Variants in ARHGAP26 observed in about 807,000 individuals in gnomAD.
The protein encoded by ARHGAP26 is Rho GTPase activating protein 26, also known as rho GTPase-activating protein 26.
In ARHGAP26, 38 loss-of-function variants were observed where a neutral mutation model predicts 104.8. The observed-to-expected ratio is 0.36, with a 90% CI of 0.28 to 0.48. ARHGAP26 has a LOEUF of 0.48. ARHGAP26 is among the 20% of genes least tolerant of loss of function. The pLI, the probability that ARHGAP26 is intolerant of heterozygous loss-of-function variation, is 0.99. For missense variants in ARHGAP26, 704 were observed against 947.9 expected, an observed-to-expected ratio of 0.74 and a Z score of 3.38; for synonymous variants, 341 against 340.0, an observed-to-expected ratio of 1.00 and a Z score of -0.03.
In ARHGAP26 at chr5:143,162,765, G is replaced by A. The variant is rs558924092; in HGVS notation, c.1988+15384G>A. On this transcript the variant is annotated intron_variant, in intron 20 of 22. Coordinates refer to ENST00000645722, the MANE Select transcript of ARHGAP26 (RefSeq NM_001135608.3). The stretch of plus-strand genomic sequence containing the variant: ...CTCTCTGGAGCACTCACTAATATCA[G>A]CATCCAGAATCGGCCAGCTCTGACA... Among the ~76,000 whole-genome samples, 45 of 152,306 alleles carry A rather than the reference G, an allele frequency of 3.0e-4. No individual in the cohort carries two copies. In the South Asian group the frequency reaches 8.9e-3, roughly 30 times the overall value.
intron 1 of ARHGAP26, among the ~76,000 whole-genome samples, chr5:142,808,246 A>AGG (rs1561875715): frequency 1.7e-4 from 22 of 128,004 alleles, no homozygotes; most frequent in East Asian, 7.1e-4. Context: ...GAAAAAAAAA[A>AGG]AAAAAAAAAA....
intron 1 of ARHGAP26, among the ~76,000 whole-genome samples, chr5:142,803,664 T>G (rs949358369): frequency 1.3e-5 from 2 of 152,198 alleles, no homozygotes; most frequent in African/African-American, 4.8e-5. Context: ...AGAATCCTCC[T>G]GCAGCACGTC....
At chr5:143,115,719 A>G (rs1795354368) in intron 17 of ARHGAP26, among the ~76,000 whole-genome samples, 2 of 152,174 alleles carry the variant, frequency 1.3e-5, no homozygotes, top group African/African-American at 2.4e-5. Context: ...ATCATACTTA[A>G]TCAGCCTTTC....
intron 1 of ARHGAP26, among the ~76,000 whole-genome samples, chr5:142,792,732 T>A (rs1760114001): frequency 6.6e-6 from 1 of 152,180 alleles, no homozygotes. Flanking sequence ...AGCTGTGGAA[T>A]GAGCAGCGTT....
At chr5:143,084,705 A>T (rs1360131110) in intron 17 of ARHGAP26, among the ~76,000 whole-genome samples, 4 of 152,158 alleles carry the variant, frequency 2.6e-5, no homozygotes, top group Non-Finnish European at 5.9e-5. Context: ...CTTGTAGGGC[A>T]CACAGTCACA....
chr5:142,959,682 C>G (rs1598395772), intron 11 of ARHGAP26, among the ~76,000 whole-genome samples: 1 of 152,344 alleles, frequency 6.6e-6, no homozygotes, highest in South Asian at 2.1e-4. Context: ...AAACTTCCTG[C>G]TTTTAAAGAG....
intron 1 of ARHGAP26, among the ~76,000 whole-genome samples, chr5:142,834,659 G>A (rs1462046765): frequency 6.6e-6 from 1 of 152,186 alleles, no homozygotes; most frequent in African/African-American, 2.4e-5. Flanking sequence ...ACATGCTCTG[G>A]CAGCTTCAGG....
At chr5:143,154,189 T>C (rs570611138) in intron 20 of ARHGAP26, among the ~76,000 whole-genome samples, 6 of 149,802 alleles carry the variant, frequency 4.0e-5, no homozygotes, top group Admixed American at 2.0e-4. Flanking sequence ...TCTGCTTTCA[T>C]GGATTTTATA....
At chr5:142,783,914 G>A (rs1758016826) in intron 1 of ARHGAP26, among the ~76,000 whole-genome samples, 1 of 152,182 alleles carries the variant, frequency 6.6e-6, no homozygotes, top group South Asian at 2.1e-4. Context: ...CTTTACCGTG[G>A]GCGACTTACC....
chr5:142,924,925 G>A (rs1763703632), intron 10 of ARHGAP26, among the ~76,000 whole-genome samples: 1 of 152,208 alleles, frequency 6.6e-6, no homozygotes, highest in South Asian at 2.1e-4. Flanking sequence ...ATCCTTCATT[G>A]TTGGTCTTAA....
intron 17 of ARHGAP26, among the ~76,000 whole-genome samples, chr5:143,105,227 A>G (rs1412678804): frequency 1.3e-5 from 2 of 151,990 alleles, no homozygotes; most frequent in Admixed American, 1.3e-4. Context: ...AATACAAAAA[A>G]TTAGCTAGGC....
intron 17 of ARHGAP26, among the ~76,000 whole-genome samples, chr5:143,115,160 C>T (rs1296994543): frequency 6.6e-6 from 1 of 151,944 alleles, no homozygotes; most frequent in Non-Finnish European, 1.5e-5. Flanking sequence ...TGATGAAACC[C>T]CGTCTCTGCT....
At chr5:142,954,671 C>T (rs1252707263) in intron 11 of ARHGAP26, among the ~76,000 whole-genome samples, 1 of 152,200 alleles carries the variant, frequency 6.6e-6, no homozygotes, top group Non-Finnish European at 1.5e-5. Flanking sequence ...CAGTAGCATG[C>T]AGTACATGTT....
At chr5:143,090,552 C>T (rs746497352) in intron 17 of ARHGAP26, among the ~76,000 whole-genome samples, 5 of 152,050 alleles carry the variant, frequency 3.3e-5, no homozygotes, top group Admixed American at 6.5e-5. Flanking sequence ...ATCAAAGAAA[C>T]GCATTTCAAA....
chr5:143,014,631 C>G (rs1236413990), intron 12 of ARHGAP26, among the ~76,000 whole-genome samples: 1 of 152,146 alleles, frequency 6.6e-6, no homozygotes, highest in Non-Finnish European at 1.5e-5. Context: ...ATATTCCTCT[C>G]TAATGGAAGT....
rs1408211161 is a variant in ARHGAP26, at chr5:143,214,009, G to C, written c.2112G>C (p.Arg704=). Residue 704 remains arginine, a synonymous_variant, in exon 22 of 23, where the codon CGG becomes CGC. Transcript: ENST00000645722. Reference sequence around the variant, plus strand: ...TGTTTTCACACAGCACACCGTTCCGGAAGGCAAAAGCCTTGTATGCCTGCA... The same window carrying C: ...TGTTTTCACACAGCACACCGTTCCGCAAGGCAAAAGCCTTGTATGCCTGCA... ...SDSSPVSTPF[R]KAKALYACKA... 1 of 1,589,224 alleles carries C rather than the reference G, an allele frequency of 6.3e-7. No homozygotes were observed. Among genetic ancestry groups the C allele is most frequent in the Admixed American group, 1.7e-5 (1 of 58,896 alleles).
At chr5:143,054,954 G>T (rs945388044) in intron 15 of ARHGAP26, among the ~76,000 whole-genome samples, 1 of 152,154 alleles carries the variant, frequency 6.6e-6, no homozygotes, top group Non-Finnish European at 1.5e-5. Flanking sequence ...TTAAAAATGA[G>T]AACTTAATGG....
rs114566472 is a variant in ARHGAP26, at chr5:142,772,827, A to G, written c.154+1912A>G. The G allele has an allele frequency of 1.4e-3, 730 of 533,414 alleles. 5 individuals are homozygous for G. The highest frequency in any genetic ancestry group is 0.011 in the African/African-American group (566 of 52,056). The allele number at this position is 533,414 out of a possible 1,614,324, so 33.0% of individuals were successfully genotyped here. On this transcript the variant is annotated intron_variant, in intron 1 of 22. Coordinates refer to ENST00000645722, the MANE Select transcript of ARHGAP26 (RefSeq NM_001135608.3). ...CCTAGAATTTGGACTTGTGTTTTCT[A>G]TTTTGGCATTGAATCTGAGGAGGGT...
At chr5:143,048,362 G>T (rs1784516458) in intron 14 of ARHGAP26, among the ~76,000 whole-genome samples, 1 of 151,960 alleles carries the variant, frequency 6.6e-6, no homozygotes, top group African/African-American at 2.4e-5. Context: ...CTAGGTTCAA[G>T]TGATTTTTGT....
Sources: gnomAD v4.1 joint callset for allele counts (sites outside exome capture counted in the v4.1 genomes callset) on GRCh38, gnomAD v4.1.1 for gene constraint, MANE v1.5 for transcripts, NCBI Gene and HGNC (gene_info 2026-07-23, HGNC 2026-07-21) for gene names.